KCNC3: variants seen among roughly 807,000 people sequenced by gnomAD.
The protein encoded by KCNC3 is voltage-gated potassium channel KCNC3.
In KCNC3, 22 loss-of-function variants were observed where a neutral mutation model predicts 43.9. That is an observed-to-expected ratio of 0.50 (90% confidence interval 0.36 to 0.72). The LOEUF (loss-of-function observed/expected upper bound fraction) is 0.72, where lower values mean the gene tolerates loss of function less well. Ranked by LOEUF, KCNC3 falls within the 30% of genes least tolerant of loss-of-function variation. The pLI is 0.00. For synonymous variants in KCNC3, 492 were observed against 488.0 expected (o/e 1.01, Z -0.11); for missense variants, 829 against 1,073.8 (o/e 0.77, Z 3.19).
rs2123533788 is a variant in KCNC3 at position 50,323,192 on chromosome 19, C to T, written c.1761G>A (p.Pro587=). ...PDPPPPPPPH[P]HHGSGGISPP... is the part of the protein sequence containing the mutation. The stretch of plus-strand genomic sequence containing the variant: ...GGCTGATGCCCCCGCTGCCGTGGTG[C>T]GGGTGGGGCGGGGGTGGCGGGGGTG... Residue 587 remains proline, a synonymous_variant, in exon 2 of 5, where the codon CCG becomes CCA. Coordinates refer to ENST00000477616, the MANE Select transcript of KCNC3 (RefSeq NM_004977.3). 3.0e-6 allele frequency: 3 copies of T among 1,014,160 alleles called. No individual in the cohort carries two copies. The highest frequency in any genetic ancestry group is 1.6e-5 in the African/African-American group (1 of 62,416). 62.8% of individuals were successfully genotyped at this position (1,014,160 alleles called of 1,614,324 possible).
At chr19:50,327,641 T>C (rs932151267) in intron 1 of KCNC3, among the ~76,000 whole-genome samples, 2 of 150,152 alleles carry the variant, frequency 1.3e-5, no homozygotes, top group African/African-American at 4.9e-5. Context: ...ATCGGGGAGG[T>C]GCTGGGAGAG....
In KCNC3 at chr19:50,328,694, G is replaced by A; in HGVS notation, c.389C>T (p.Pro130Leu). 3 of 1,604,580 alleles carry A rather than the reference G, an allele frequency of 1.9e-6. No homozygotes were observed. The highest frequency in any genetic ancestry group is 1.7e-6 in the Non-Finnish European group (2 of 1,176,426). ...PEAAARFDYD[P>L]GADEFFFDRH... ...GTCAAAGAAGAACTCGTCGGCGCCC[G>A]GGTCGTAGTCGAAGCGTGCCGCCGC... Residue 130 changes from proline (P) to leucine (L), a missense_variant, in exon 1 of 5, where the codon CCG (proline) becomes CTG (leucine). Around this residue, in one of 7 missense-constraint regions of KCNC3, gnomAD observed 121 missense variants for 247.4 expected, o/e 0.49. Transcript: ENST00000477616.
Position 50,328,257 on chromosome 19 carries a change from C to T in KCNC3, c.826G>A (p.Val276Met). 1 of 1,196,776 alleles carries T rather than the reference C, an allele frequency of 8.4e-7. No homozygotes were observed. The highest frequency in any genetic ancestry group is 1.0e-6 in the Non-Finnish European group (1 of 966,322). 74.1% of individuals were successfully genotyped at this position (1,196,776 alleles called of 1,614,324 possible). The change falls in exon 1 of 5, where the codon GTG (valine) becomes ATG (methionine). Residue 276 changes from valine to methionine, a missense_variant. This residue lies in a region of KCNC3 where 157 missense variants were observed against 293.5 expected (regional missense o/e 0.53). Transcript: ENST00000477616. ...GTWWRRWQPR[V>M]WALFEDPYSS... is the part of the protein sequence containing the mutation. The stretch of plus-strand genomic sequence containing the variant: ...TAGGGGTCCTCGAAGAGCGCCCACA[C>T]GCGGGGCTGCCAGCGGCGCCACCAT...
At chr19:50,330,014 G>A (rs2037167299), upstream of KCNC3, among the ~76,000 whole-genome samples, 1 of 152,132 alleles carries the variant, frequency 6.6e-6, no homozygotes, top group Admixed American at 6.5e-5. Flanking sequence ...CGCCTGTAAC[G>A]CCAGCACTTT....
intron 3 of KCNC3, 105 bp downstream of exon 3, chr19:50,320,488 G>C: frequency 9.1e-7 from 1 of 1,104,324 alleles, no homozygotes; most frequent in Non-Finnish European, 1.3e-6. Context: ...CAAGGGAAGG[G>C]GGAAGGGAAG....
chr19:50,330,072 G>C (rs1306964921), upstream of KCNC3, among the ~76,000 whole-genome samples: 3 of 152,282 alleles, frequency 2.0e-5, no homozygotes, highest in Middle Eastern at 3.4e-3. Flanking sequence ...TTCGAGACCA[G>C]CCCGGCCAAA....
At position 50,314,583 on chromosome 19, in the gene KCNC3, G is replaced by C. The variant is rs994835925; in HGVS notation, c.*1532C>G. 1.4e-5 allele frequency: 4 copies of C among 290,974 alleles called. No individual in the cohort carries two copies. Among genetic ancestry groups the C allele is most frequent in the African/African-American group, 2.3e-5 (1 of 42,578 alleles). 18.0% of individuals were successfully genotyped at this position (290,974 alleles called of 1,614,324 possible). A position where few individuals can be genotyped will look rare whatever the true frequency, so the allele number is the denominator to read the frequency against. On this transcript the variant is annotated 3_prime_UTR_variant, in exon 5 of 5. Coordinates refer to ENST00000477616, the MANE Select transcript of KCNC3 (RefSeq NM_004977.3). ...ACTTATTTACACAAGTTGATGGCAG[G>C]GGGATGTCCTATGGCTCGTGGAGAC...
At position 50,324,147 on chromosome 19, in the gene KCNC3, C is replaced by G; in HGVS notation, c.871-65G>C. On this transcript the variant is annotated intron_variant, in intron 1 of 4. Transcript: ENST00000477616. This position sits in a 1 kb window ranked among gnomAD's most constrained non-coding sequence, Gnocchi z 4.1. ...TAGGCATCAGGTTGGCCATAACATC[C>G]AGAAGACCCTTCCAGTGCCCCCTTC... is the stretch of plus-strand genomic sequence containing the variant. 1 of 1,485,748 alleles carries G rather than the reference C, an allele frequency of 6.7e-7. No individual in the cohort carries two copies. The highest frequency in any genetic ancestry group is 9.0e-7 in the Non-Finnish European group (1 of 1,109,472). 92.0% of individuals were successfully genotyped at this position (1,485,748 alleles called of 1,614,324 possible).
chr19:50,328,760 G>A lies in KCNC3; in HGVS notation c.323C>T (p.Thr108Ile). The change falls in exon 1 of 5, where the codon ACC becomes ATC. Residue 108 changes from threonine (T) to isoleucine (I), a missense_variant. Physicochemically the swap from Thr to Ile is moderately conservative, Grantham distance 89 (BLOSUM62 -1). Coordinates refer to ENST00000477616, the MANE Select transcript of KCNC3 (RefSeq NM_004977.3). Reference sequence around the variant, plus strand: ...GCCGGCCAGCCGCGTCCCCGGCAGGGTGCGCAGCGTCGAGCGGTACGTCTC... The same window carrying A: ...GCCGGCCAGCCGCGTCCCCGGCAGGATGCGCAGCGTCGAGCGGTACGTCTC... ...RHETYRSTLRTLPGTRLAGLT... is the reference protein window; with the variant it reads ...RHETYRSTLRILPGTRLAGLT... The A allele has an allele frequency of 6.3e-7, 1 of 1,589,298 alleles. No individual in the cohort carries two copies. The highest frequency in any genetic ancestry group is 8.6e-7 in the Non-Finnish European group (1 of 1,168,760).
In KCNC3 at chr19:50,314,422, G is replaced by A. The variant is rs924261683; in HGVS notation, c.*1693C>T. On this transcript the variant is annotated 3_prime_UTR_variant, in exon 5 of 5. Coordinates refer to ENST00000477616, the MANE Select transcript of KCNC3 (RefSeq NM_004977.3). ...CGGGAGGTGCCACCCCCTTCCCAGA[G>A]TGCCTGCCCCTCAAACCCGCGCATG... 5.6e-5 allele frequency: 10 copies of A among 179,258 alleles called. No homozygotes were observed. The highest frequency in any genetic ancestry group is 1.8e-4 in the Admixed American group (3 of 16,816). 11.1% of individuals were successfully genotyped at this position (179,258 alleles called of 1,614,324 possible).
Position 50,328,774 on chromosome 19 carries a change from G to A in KCNC3, c.309C>T (p.Arg103=), listed in dbSNP as rs751242755. 3.2e-6 allele frequency: 5 copies of A among 1,581,130 alleles called. No individual in the cohort carries two copies. The South Asian group carries it at 4.5e-5, about 14-fold the overall frequency. The change falls in exon 1 of 5, where the codon CGC becomes CGT. Residue 103 remains arginine (R), a synonymous_variant. Coordinates refer to ENST00000477616, the MANE Select transcript of KCNC3 (RefSeq NM_004977.3). ...NVGGVRHETY[R]STLRTLPGTR... is the part of the protein sequence containing the mutation. ...TCCCCGGCAGGGTGCGCAGCGTCGA[G>A]CGGTACGTCTCATGGCGCACGCCGC...
intron 4 of KCNC3, among the ~76,000 whole-genome samples, chr19:50,319,288 TG>T (rs2036996658): frequency 6.6e-6 from 1 of 151,986 alleles, no homozygotes; most frequent in Admixed American, 6.6e-5. Context: ...CTCACAGCCC[TG>T]GCCCCAGCTC....
intron 4 of KCNC3, 76 bp from the exon 5 acceptor site, chr19:50,316,167 G>T: frequency 2.5e-6 from 1 of 399,268 alleles, no homozygotes; most frequent in Non-Finnish European, 4.6e-6. Flanking sequence ...CAGCCTCACT[G>T]TTGGGGGGAT....
At position 50,320,691 on chromosome 19, in the gene KCNC3, CTCTTG is replaced by C. The variant is rs754533991; in HGVS notation, c.2067_2071del (p.Asp689GlufsTer12). The C allele has an allele frequency of 6.2e-7, 1 of 1,613,846 alleles. No homozygotes were observed. The highest frequency in any genetic ancestry group is 1.1e-5 in the South Asian group (1 of 91,062). ...GCCACGGCTTCCAGGCGTGATGGGGCTCTTGTCTTCCGGGGACATGGCAGGCTGGT... is the reference window on the plus strand; with the variant it reads ...GCCACGGCTTCCAGGCGTGATGGGGCTCTTCCGGGGACATGGCAGGCTGGT... On this transcript the variant is annotated frameshift_variant, in exon 3 of 5. Coordinates refer to ENST00000477616, the MANE Select transcript of KCNC3 (RefSeq NM_004977.3). LOFTEE classifies it high-confidence loss of function.
rs2037149869 is a variant in KCNC3 at position 50,329,119 on chromosome 19, G to A, written c.-37C>T. 1 of 514,714 alleles carries A rather than the reference G, an allele frequency of 1.9e-6. No individual in the cohort carries two copies. The highest frequency in any genetic ancestry group is 3.0e-6 in the Non-Finnish European group (1 of 336,162). The allele number at this position is 514,714 out of a possible 1,614,324, so 31.9% of individuals were successfully genotyped here. A position where few individuals can be genotyped will look rare whatever the true frequency, so the allele number is the denominator to read the frequency against. On this transcript the variant is annotated 5_prime_UTR_variant, in exon 1 of 5. Coordinates refer to ENST00000477616, the MANE Select transcript of KCNC3 (RefSeq NM_004977.3). ...CGGGGCGGGAGGGGCGGGGACGCAG[G>A]GGCGGGGACACGGGGGGAGAGACCG...
In KCNC3 at chr19:50,323,783, C is replaced by T. The variant is rs754042672; in HGVS notation, c.1170G>A (p.Leu390=). The change falls in exon 2 of 5, where the codon CTG becomes CTA. Residue 390 remains leucine (L), a synonymous_variant. Coordinates refer to ENST00000477616, the MANE Select transcript of KCNC3 (RefSeq NM_004977.3). ...SLNIIDCVAI[L]PFYLEVGLSG... is the part of the protein sequence containing the mutation. Reference sequence around the variant, plus strand: ...AGAGGCCCACCTCGAGATAGAAGGGCAGGATGGCCACACAGTCGATGATGT... The same window carrying T: ...AGAGGCCCACCTCGAGATAGAAGGGTAGGATGGCCACACAGTCGATGATGT... The T allele has an allele frequency of 3.7e-6, 6 of 1,614,200 alleles. No individual in the cohort carries two copies. The highest frequency in any genetic ancestry group is 1.7e-5 in the Admixed American group (1 of 60,030).
chr19:50,325,222 T>C (rs1225262241), intron 1 of KCNC3, among the ~76,000 whole-genome samples: 3 of 151,352 alleles, frequency 2.0e-5, no homozygotes, highest in African/African-American at 7.3e-5. Flanking sequence ...TTATCAGATA[T>C]GCAGAGGGGT....
upstream of KCNC3, among the ~76,000 whole-genome samples, chr19:50,330,597 T>C (rs2037176313): frequency 6.6e-6 from 1 of 151,794 alleles, no homozygotes; most frequent in East Asian, 1.9e-4. Flanking sequence ...CGCGGCGGAC[T>C]GCAGATTGGA....
chr19:50,323,109 G>C lies in KCNC3; in HGVS notation c.1844C>G (p.Ala615Gly). The change falls in exon 2 of 5, where the codon GCG (alanine) becomes GGG (glycine). Residue 615 changes from alanine to glycine, a missense_variant. Physicochemically the swap from Ala to Gly is moderately conservative, Grantham distance 60. Around this residue, in one of 7 missense-constraint regions of KCNC3, gnomAD observed 308 missense variants for 276.2 expected, o/e 1.11. Transcript: ENST00000477616. ...CAGCCCGGGGTGCGTGTGGGGCCCC[G>C]CTGGGTAGGCCCCGGCCACAGTCAC... is the stretch of plus-strand genomic sequence containing the variant. ...MGVTVAGAYPAGPHTHPGLLR... is the reference protein window; with the variant it reads ...MGVTVAGAYPGGPHTHPGLLR... The C allele has an allele frequency of 6.5e-7, 1 of 1,537,884 alleles. No individual in the cohort carries two copies. The highest frequency in any genetic ancestry group is 8.7e-7 in the Non-Finnish European group (1 of 1,144,510).
Sources: allele counts gnomAD v4.1 joint callset (sites outside exome capture counted in the v4.1 genomes callset), GRCh38; gene constraint gnomAD v4.1.1; regional missense constraint gnomAD v4.1.1; non-coding constraint Gnocchi (gnomAD v3.1); transcripts MANE v1.5; gene names NCBI Gene and HGNC (gene_info 2026-07-23, HGNC 2026-07-21).